The following NGEF variants were observed in gnomAD, a reference collection of about 807,000 sequenced individuals.
NGEF encodes the protein ephexin-1.
In NGEF, 31 loss-of-function variants were observed where a neutral mutation model predicts 80.9. That is an observed-to-expected ratio of 0.38 (90% CI 0.29 to 0.52). NGEF has a LOEUF of 0.52. NGEF is among the 20% of genes least tolerant of loss of function. NGEF has a pLI of 0.84. For missense variants in NGEF, 709 were observed against 926.2 expected, an observed-to-expected ratio of 0.77 and a Z score of 3.04; for synonymous variants, 371 against 370.2, an observed-to-expected ratio of 1.00 and a Z score of -0.03.
rs952486043 is a variant in NGEF, at chr2:232,948,175, GTGTGTGTGTA to G, written c.384-20999_384-20990del. Among the ~76,000 whole-genome samples, 37 of 150,154 alleles carry G rather than the reference GTGTGTGTGTA, an allele frequency of 2.5e-4. No individual in the cohort carries two copies. In the East Asian group the frequency reaches 3.7e-3, roughly 15 times the overall value. ...TGTGTGTGTGTGTGTGTGTGTGTGT[GTGTGTGTGTA>G]TATAATTATTATTAGTTTTTTGAGA... On this transcript the variant is annotated intron_variant, in intron 3 of 14. Coordinates refer to ENST00000264051, the MANE Select transcript of NGEF (RefSeq NM_019850.3).
At chr2:232,953,107 G>T (rs189507752) in intron 3 of NGEF, among the ~76,000 whole-genome samples, 79 of 151,314 alleles carry the variant, frequency 5.2e-4, no homozygotes, top group South Asian at 3.5e-3. Context: ...TTCGAGACCA[G>T]CCTGACCAAG....
chr2:232,921,908 CA>C (rs1179065270), intron 4 of NGEF, among the ~76,000 whole-genome samples: 11 of 152,162 alleles, frequency 7.2e-5, no homozygotes, highest in Admixed American at 2.0e-4. Context: ...GGGACAGTTA[CA>C]AGATAGAATA....
chr2:232,928,154 C>A (rs1373515382), intron 3 of NGEF: 4 of 984,976 alleles, frequency 4.1e-6, no homozygotes, highest in African/African-American at 1.8e-5. Context: ...CCGAGCACTC[C>A]CGCGGGCGGG....
intron 3 of NGEF, among the ~76,000 whole-genome samples, chr2:232,969,012 A>G (rs1474526390): frequency 6.6e-6 from 1 of 152,218 alleles, no homozygotes; most frequent in African/African-American, 2.4e-5. Flanking sequence ...ACGACCCTCT[A>G]GACTTCTTTC....
At chr2:232,899,314 G>A (rs568380509) in intron 5 of NGEF, among the ~76,000 whole-genome samples, 1 of 152,244 alleles carries the variant, frequency 6.6e-6, no homozygotes, top group East Asian at 1.9e-4. Flanking sequence ...CCGGCTGTCT[G>A]AATCTCTGCT....
chr2:232,969,987 A>G, intron 3 of NGEF: 1 of 262,828 alleles, frequency 3.8e-6, no homozygotes, highest in Non-Finnish European at 7.1e-6. Context: ...TAACATAGCA[A>G]GACCACATCA....
chr2:232,988,075 G>GTGTA (rs2106332134), intron 1 of NGEF, among the ~76,000 whole-genome samples: 1 of 151,244 alleles, frequency 6.6e-6, no homozygotes, highest in East Asian at 1.9e-4. Flanking sequence ...GTGTGTGTGT[G>GTGTA]TGTGTGTGAG....
intron 3 of NGEF, among the ~76,000 whole-genome samples, chr2:232,961,969 C>T (rs559949322): frequency 2.0e-4 from 30 of 152,270 alleles, no homozygotes; most frequent in African/African-American, 4.6e-4. Context: ...AAGGATAAAG[C>T]GGCTCTGGTT....
chr2:232,939,972 G>A (rs528536970), intron 3 of NGEF, among the ~76,000 whole-genome samples: 8 of 151,300 alleles, frequency 5.3e-5, no homozygotes, highest in Admixed American at 3.3e-4. Flanking sequence ...ACTCCAGCCC[G>A]AGCGACAGAG....
intron 3 of NGEF, among the ~76,000 whole-genome samples, chr2:232,961,654 A>G (rs1375629200): frequency 6.7e-6 from 1 of 148,254 alleles, no homozygotes; most frequent in Non-Finnish European, 1.5e-5. Context: ...CACCACGCCC[A>G]GCTAATTTTT....
chr2:233,005,271 C>T (rs989667967), intron 1 of NGEF, among the ~76,000 whole-genome samples: 9 of 152,206 alleles, frequency 5.9e-5, no homozygotes, highest in African/African-American at 1.7e-4. Context: ...GCTGGCAGGT[C>T]GCTCCGCAGA....
intron 12 of NGEF, 71 bp from the exon 13 acceptor site, chr2:232,882,336 TC>T: frequency 7.3e-7 from 1 of 1,372,820 alleles, no homozygotes; most frequent in Non-Finnish European, 1.0e-6. Context: ...GCACGAGGCT[TC>T]CCAGCTAGCT....
intron 1 of NGEF, among the ~76,000 whole-genome samples, chr2:232,995,050 G>GTA (rs146592798): frequency 6.4e-5 from 6 of 93,196 alleles, no homozygotes; most frequent in Admixed American, 5.5e-4. Flanking sequence ...TATGTATACT[G>GTA]TATATATGTA....
intron 3 of NGEF, among the ~76,000 whole-genome samples, chr2:232,942,740 C>T (rs1347253175): frequency 1.3e-5 from 2 of 149,472 alleles, no homozygotes; most frequent in African/African-American, 4.9e-5. Context: ...CGCGTGGAGG[C>T]GCACGCCTGT....
intron 5 of NGEF, among the ~76,000 whole-genome samples, chr2:232,915,572 C>A (rs989510275): frequency 6.6e-6 from 1 of 152,150 alleles, no homozygotes; most frequent in African/African-American, 2.4e-5. Flanking sequence ...CAGTACAAAT[C>A]TTTTCATCCA....
chr2:232,952,329 TTTTAAA>T lies in NGEF; in HGVS notation c.383+17879_383+17884del, dbSNP rs550084014. On this transcript the variant is annotated intron_variant, in intron 3 of 14. Coordinates refer to ENST00000264051, the MANE Select transcript of NGEF (RefSeq NM_019850.3). The stretch of plus-strand genomic sequence containing the variant: ...TAGAGCACCTACGTGGCAAGAACCA[TTTTAAA>T]TGCGTTCTTTCATTGATTTCTCCTG... Among the ~76,000 whole-genome samples the T allele has an allele frequency of 3.1e-4, 47 of 152,368 alleles. No individual in the cohort carries two copies. In the East Asian group the frequency reaches 5.2e-3, roughly 17 times the overall value.
intron 9 of NGEF, 125 bp downstream of exon 9, chr2:232,887,907 GA>G (rs1408538150): frequency 4.8e-5 from 37 of 778,696 alleles, no homozygotes; most frequent in Non-Finnish European, 7.2e-5. Context: ...TTGCAAAAGT[GA>G]ATTTTAAAAT....
At chr2:232,956,029 G>T (rs769432810) in intron 3 of NGEF, among the ~76,000 whole-genome samples, 1 of 152,166 alleles carries the variant, frequency 6.6e-6, no homozygotes, top group African/African-American at 2.4e-5. Flanking sequence ...CCCCAAACGT[G>T]ACTGCAGTTT....
chr2:232,905,293 G>T (rs942844408), intron 5 of NGEF, among the ~76,000 whole-genome samples: 1 of 152,236 alleles, frequency 6.6e-6, no homozygotes, highest in Non-Finnish European at 1.5e-5. Context: ...TGGTGGAAAC[G>T]GGGTTTCGCT....
Sources: allele counts gnomAD v4.1 joint callset (sites outside exome capture counted in the v4.1 genomes callset), GRCh38; gene constraint gnomAD v4.1.1; transcripts MANE v1.5; gene names NCBI Gene and HGNC (gene_info 2026-07-23, HGNC 2026-07-21).